The following DPYD variants were observed in gnomAD, a reference collection of about 807,000 sequenced individuals.
The protein encoded by DPYD is dihydropyrimidine dehydrogenase, also known as dihydropyrimidine dehydrogenase [NADP(+)].
DPYD carries 109 observed loss-of-function variants against 116.2 expected under a neutral mutation model. The ratio of observed to expected loss-of-function variants is 0.94; its 90% confidence interval spans 0.80 to 1.10. The LOEUF is 1.10. Among genes scored for constraint, DPYD ranks in the 50% least tolerant of loss-of-function variants. The probability of loss-of-function intolerance (pLI) is 0.00; values close to 1 mark genes in which losing one functional copy is unlikely to be tolerated. For missense variants in DPYD, 1,302 were observed against 1,254.5 expected (o/e 1.04, Z -0.57); for synonymous variants, 440 against 432.0 (o/e 1.02, Z -0.23).
intron 18 of DPYD, among the ~76,000 whole-genome samples, chr1:97,247,167 T>G (rs1557969844): frequency 6.6e-6 from 1 of 152,170 alleles, no homozygotes; most frequent in African/African-American, 2.4e-5. Context: ...CTATTGCCAG[T>G]AATGTGAATT....
Position 97,593,293 on chromosome 1 carries a change from A to G in DPYD, c.1053T>C (p.Ala351=). ...ACACACGGCGAGCTCCACAACGTAG[A>G]GCAGATGTTGCACAGTCAAAGGCAG... ...GDTAFDCATS[A]LRCGARRVFI... The change falls in exon 10 of 23, where the codon GCT becomes GCC. Residue 351 remains alanine, a synonymous_variant. Transcript: ENST00000370192. The G allele has an allele frequency of 1.2e-6, 2 of 1,614,156 alleles. No individual in the cohort carries two copies. The highest frequency in any genetic ancestry group is 1.1e-5 in the South Asian group (1 of 91,082).
chr1:97,364,162 C>G (rs1045229882), intron 16 of DPYD, among the ~76,000 whole-genome samples: 1 of 152,098 alleles, frequency 6.6e-6, no homozygotes, highest in Non-Finnish European at 1.5e-5. Context: ...GAGTGCCAAG[C>G]CTGCCATGTT....
intron 19 of DPYD, among the ~76,000 whole-genome samples, chr1:97,214,966 A>G (rs1458972398): frequency 6.6e-6 from 1 of 152,240 alleles, no homozygotes; most frequent in Non-Finnish European, 1.5e-5. Flanking sequence ...GCTAAGATAC[A>G]TACTAGTCAA....
intron 20 of DPYD, among the ~76,000 whole-genome samples, chr1:97,134,989 A>AT (rs780298959): frequency 2.7e-5 from 3 of 109,514 alleles, no homozygotes; most frequent in Non-Finnish European, 5.8e-5. Context: ...ATATATATAT[A>AT]TTTTTTTTAT....
intron 18 of DPYD, among the ~76,000 whole-genome samples, chr1:97,238,888 A>G (rs2100763996): frequency 6.6e-6 from 1 of 152,326 alleles, no homozygotes; most frequent in South Asian, 2.1e-4. Flanking sequence ...CTAATGGGGA[A>G]TTCAGTTACA....
At chr1:97,135,659 A>T (rs1375058643) in intron 20 of DPYD, among the ~76,000 whole-genome samples, 1 of 152,174 alleles carries the variant, frequency 6.6e-6, no homozygotes, top group Non-Finnish European at 1.5e-5. Context: ...ATTAATTTTT[A>T]AAAAATAGTG....
At chr1:97,722,313 C>A (rs1411417920) in intron 4 of DPYD, among the ~76,000 whole-genome samples, 1 of 150,980 alleles carries the variant, frequency 6.6e-6, no homozygotes, top group African/African-American at 2.4e-5. Flanking sequence ...GGACACATGA[C>A]AAATAAATGT....
At chr1:97,592,787 G>GA (rs1654611968) in intron 10 of DPYD, among the ~76,000 whole-genome samples, 1 of 152,148 alleles carries the variant, frequency 6.6e-6, no homozygotes, top group Admixed American at 6.5e-5. Flanking sequence ...TGAACTGACT[G>GA]AAAGTATGAC....
At chr1:97,108,372 T>C (rs945937038) in intron 20 of DPYD, among the ~76,000 whole-genome samples, 2 of 152,150 alleles carry the variant, frequency 1.3e-5, no homozygotes, top group African/African-American at 4.8e-5. Context: ...ATATGATCTG[T>C]TTTGTTTTCA....
intron 20 of DPYD, among the ~76,000 whole-genome samples, chr1:97,175,479 T>A (rs1374122641): frequency 6.6e-6 from 1 of 152,212 alleles, no homozygotes; most frequent in Non-Finnish European, 1.5e-5. Context: ...GATCTCCTCC[T>A]GTAAGCTTCC....
At chr1:97,447,059 C>T (rs904411626) in intron 14 of DPYD, among the ~76,000 whole-genome samples, 5 of 152,132 alleles carry the variant, frequency 3.3e-5, no homozygotes, top group African/African-American at 9.7e-5. Context: ...GGTCTCTCTG[C>T]CTTTACATTC....
At chr1:97,904,715 T>C (rs1673523593) in intron 1 of DPYD, among the ~76,000 whole-genome samples, 2 of 152,030 alleles carry the variant, frequency 1.3e-5, no homozygotes, top group Admixed American at 1.3e-4. Context: ...AAACCACTTC[T>C]GGGAAAACTA....
At chr1:97,905,331 T>C (rs571327483) in intron 1 of DPYD, among the ~76,000 whole-genome samples, 1 of 152,154 alleles carries the variant, frequency 6.6e-6, no homozygotes, top group South Asian at 2.1e-4. Flanking sequence ...GTCCTCAATA[T>C]GAACTGGTTT....
chr1:97,233,356 C>T (rs1210349737), intron 19 of DPYD, among the ~76,000 whole-genome samples: 5 of 152,154 alleles, frequency 3.3e-5, no homozygotes, highest in Non-Finnish European at 7.3e-5. Flanking sequence ...TCTACTACTA[C>T]TGCAGAAGGG....
intron 2 of DPYD, among the ~76,000 whole-genome samples, chr1:97,841,534 G>A (rs72979722): frequency 3.4e-4 from 51 of 152,048 alleles, no homozygotes; most frequent in African/African-American, 1.1e-3. Context: ...GAAACTGATG[G>A]CATCTCTCCC....
At chr1:97,592,288 G>A (rs533349360) in intron 10 of DPYD, among the ~76,000 whole-genome samples, 2 of 152,142 alleles carry the variant, frequency 1.3e-5, no homozygotes, top group Non-Finnish European at 2.9e-5. Context: ...TGAGAAGTGT[G>A]TAGTACATGT....
rs1040240544 is a variant in DPYD at position 97,752,495 on chromosome 1, G to A, written c.234-12016C>T. Reference sequence around the variant, plus strand: ...CTTTTTAAAATCCCTGTCTGATCACGACATTCTCCTTAAGGGGAGAATCTT... The same window carrying A: ...CTTTTTAAAATCCCTGTCTGATCACAACATTCTCCTTAAGGGGAGAATCTT... On this transcript the variant is annotated intron_variant, in intron 3 of 22. Transcript: ENST00000370192. Among the ~76,000 whole-genome samples the A allele has an allele frequency of 3.6e-4, 54 of 151,990 alleles. 1 individual carries two copies. Among genetic ancestry groups the A allele is most frequent in the African/African-American group, 9.7e-4 (40 of 41,364 alleles).
chr1:97,609,365 G>T (rs1300343466), intron 8 of DPYD, among the ~76,000 whole-genome samples: 1 of 151,814 alleles, frequency 6.6e-6, no homozygotes, highest in Non-Finnish European at 1.5e-5. Context: ...GTATTCTACA[G>T]AAGATAAAGA....
At chr1:97,248,094 T>C (rs1460367094) in intron 18 of DPYD, among the ~76,000 whole-genome samples, 5 of 152,220 alleles carry the variant, frequency 3.3e-5, no homozygotes, top group Non-Finnish European at 7.3e-5. Flanking sequence ...TAGACTCAAA[T>C]ATCTGTATTA....
Sources: allele counts gnomAD v4.1 joint callset (sites outside exome capture counted in the v4.1 genomes callset), GRCh38; gene constraint gnomAD v4.1.1; transcripts MANE v1.5; gene names NCBI Gene and HGNC (gene_info 2026-07-23, HGNC 2026-07-21).